GPC6: variants seen among roughly 807,000 people sequenced by gnomAD.
The protein encoded by GPC6 is glypican 6.
Under a neutral mutation model 55.2 loss-of-function variants are expected in GPC6, and 14 were observed. The observed-to-expected ratio is 0.25, with a 90% CI of 0.17 to 0.40. The LOEUF is 0.40. GPC6 is among the 10% of genes least tolerant of loss of function. GPC6 has a pLI of 1.00. For synonymous variants in GPC6, 278 were observed against 259.6 expected, an observed-to-expected ratio of 1.07 and a Z score of -0.68; for missense variants, 641 against 708.5, an observed-to-expected ratio of 0.90 and a Z score of 1.08.
chr13:93,255,179 C>A (rs1876912094), intron 1 of GPC6, among the ~76,000 whole-genome samples: 1 of 152,156 alleles, frequency 6.6e-6, no homozygotes, highest in African/African-American at 2.4e-5. Context: ...GTAATGATTA[C>A]CCCAGATTTT....
At chr13:94,104,088 A>G (rs186769732) in intron 4 of GPC6, among the ~76,000 whole-genome samples, 322 of 152,314 alleles carry the variant, frequency 2.1e-3, no homozygotes, top group Non-Finnish European at 3.4e-3. Flanking sequence ...ATCCAGTTTC[A>G]GCTTTCTACA....
chr13:93,512,601 G>T (rs1004777198), intron 1 of GPC6, among the ~76,000 whole-genome samples: 2 of 152,034 alleles, frequency 1.3e-5, no homozygotes, highest in African/African-American at 4.8e-5. Flanking sequence ...ATGTTCATTA[G>T]GGATATTGGC....
chr13:93,426,976 C>A (rs1252946621), intron 1 of GPC6, among the ~76,000 whole-genome samples: 3 of 150,498 alleles, frequency 2.0e-5, no homozygotes, highest in Admixed American at 2.0e-4. Flanking sequence ...ATTTGCATTT[C>A]TCTGATGGCC....
chr13:93,325,381 A>T (rs1879618425), intron 1 of GPC6, among the ~76,000 whole-genome samples: 1 of 152,190 alleles, frequency 6.6e-6, no homozygotes, highest in African/African-American at 2.4e-5. Flanking sequence ...TTATACTTAC[A>T]GACAATAAGG....
intron 1 of GPC6, among the ~76,000 whole-genome samples, chr13:93,444,276 G>A (rs1046212207): frequency 1.4e-5 from 2 of 145,186 alleles, no homozygotes; most frequent in African/African-American, 5.1e-5. Context: ...AATTTTCAAG[G>A]TTCATTTTAT....
At chr13:93,546,950 A>G (rs1874822340) in intron 2 of GPC6, among the ~76,000 whole-genome samples, 1 of 147,980 alleles carries the variant, frequency 6.8e-6, no homozygotes, top group Admixed American at 6.8e-5. Flanking sequence ...TTCATGGTAG[A>G]TGATATATAT....
chr13:94,356,452 G>A (rs1878800743), intron 6 of GPC6, among the ~76,000 whole-genome samples: 1 of 138,266 alleles, frequency 7.2e-6, no homozygotes, highest in Admixed American at 6.8e-5. Context: ...CTCCATAAAG[G>A]AAGGGGTTTT....
chr13:93,350,170 C>T (rs1310527390), intron 1 of GPC6, among the ~76,000 whole-genome samples: 1 of 152,116 alleles, frequency 6.6e-6, no homozygotes, highest in South Asian at 2.1e-4. Context: ...TGCAGTGGCT[C>T]ACGACTGTAA....
chr13:94,025,449 C>T (rs1453924252), intron 3 of GPC6: 4 of 148,806 alleles, frequency 2.7e-5, no homozygotes, highest in Non-Finnish European at 4.4e-5. Context: ...GCTTGGGACA[C>T]ATGTGATAAA....
intron 1 of GPC6, among the ~76,000 whole-genome samples, chr13:93,450,989 A>G (rs1368682986): frequency 1.3e-5 from 2 of 152,198 alleles, no homozygotes; most frequent in Non-Finnish European, 2.9e-5. Context: ...GCTTGAAGGG[A>G]TGGTGGTCTA....
intron 4 of GPC6, among the ~76,000 whole-genome samples, chr13:94,141,962 T>A (rs772928690): frequency 6.6e-6 from 1 of 152,172 alleles, no homozygotes; most frequent in Non-Finnish European, 1.5e-5. Context: ...CTTGTTGGTG[T>A]GACCACATGG....
In GPC6 at chr13:93,427,344, C is replaced by T. The variant is rs201854393; in HGVS notation, c.161-117919C>T. On this transcript the variant is annotated intron_variant, in intron 1 of 8. Transcript: ENST00000377047. ...CTGGAGGCATCACACTACCTGACTT[C>T]AAACTATACTACAAGGCTACAGTAA... Among the ~76,000 whole-genome samples, 6 of 151,704 alleles carry T rather than the reference C, an allele frequency of 4.0e-5. No individual in the cohort carries two copies. In the East Asian group the frequency reaches 1.2e-3, roughly 29 times the overall value.
At chr13:94,215,774 G>C (rs985194746) in intron 4 of GPC6, among the ~76,000 whole-genome samples, 2 of 152,028 alleles carry the variant, frequency 1.3e-5, no homozygotes, top group South Asian at 4.1e-4. Context: ...TGAACAAATA[G>C]ACACTTATTT....
At chr13:93,930,921 A>G (rs1375076806) in intron 3 of GPC6, among the ~76,000 whole-genome samples, 1 of 152,142 alleles carries the variant, frequency 6.6e-6, no homozygotes, top group Non-Finnish European at 1.5e-5. Flanking sequence ...GAAACTTACA[A>G]TCATGGTGGA....
chr13:93,941,595 C>T (rs930754166), intron 3 of GPC6, among the ~76,000 whole-genome samples: 2 of 152,086 alleles, frequency 1.3e-5, no homozygotes, highest in African/African-American at 4.8e-5. Context: ...ATGAAATAGT[C>T]GAGTGACTTG....
intron 4 of GPC6, among the ~76,000 whole-genome samples, chr13:94,138,663 A>G (rs1887266836): frequency 6.6e-6 from 1 of 152,178 alleles, no homozygotes. Flanking sequence ...TATTGATCTT[A>G]CCATGTGAAA....
chr13:93,967,860 T>A (rs1880115344), intron 3 of GPC6, among the ~76,000 whole-genome samples: 1 of 151,868 alleles, frequency 6.6e-6, no homozygotes, highest in South Asian at 2.1e-4. Context: ...TATTACTACC[T>A]CAGAGACTAC....
intron 3 of GPC6, among the ~76,000 whole-genome samples, chr13:93,933,388 A>G (rs1014061263): frequency 6.6e-6 from 1 of 152,110 alleles, no homozygotes; most frequent in Non-Finnish European, 1.5e-5. Context: ...TTCAAGGTTG[A>G]GAAACTCTGA....
chr13:94,341,359 C>T (rs896728828), intron 6 of GPC6, among the ~76,000 whole-genome samples: 3 of 152,156 alleles, frequency 2.0e-5, no homozygotes, highest in East Asian at 3.9e-4. Context: ...CCAAAGCAGG[C>T]GGATCACTTG....
Sources: allele counts gnomAD v4.1 joint callset (sites outside exome capture counted in the v4.1 genomes callset), GRCh38; gene constraint gnomAD v4.1.1; transcripts MANE v1.5; gene names NCBI Gene and HGNC (gene_info 2026-07-23, HGNC 2026-07-21).